CLOCK: variants seen among roughly 807,000 people sequenced by gnomAD.
CLOCK encodes circadian locomoter output cycles protein kaput.
In CLOCK, 43 loss-of-function variants were observed where a neutral mutation model predicts 118.4. The ratio of observed to expected loss-of-function variants is 0.36; its 90% CI spans 0.28 to 0.47. The LOEUF (loss-of-function observed/expected upper bound fraction) is 0.47, where lower values mean the gene tolerates loss of function less well. CLOCK is among the 20% of genes least tolerant of loss of function. The pLI is 1.00. For missense variants in CLOCK, 846 were observed against 999.9 expected (o/e 0.85, Z 2.08); for synonymous variants, 326 against 339.2 (o/e 0.96, Z 0.43).
rs1374507343 is a variant in CLOCK at position 55,543,809 on chromosome 4, T to C, written c.-290+2973A>G. ...AAAAAAAATTGAAATGTAATTCCAT[T>C]TTTAAAAAAGATTGAACGGACCCAC... On this transcript the variant is annotated intron_variant, in intron 1 of 22. Transcript: ENST00000513440. Among the ~76,000 whole-genome samples, 3 of 152,104 alleles carry C rather than the reference T, an allele frequency of 2.0e-5. No individual in the cohort carries two copies. The East Asian group carries it at 5.8e-4, about 29-fold the overall frequency.
At chr4:55,451,599 G>A (rs1475004020) in intron 15 of CLOCK, among the ~76,000 whole-genome samples, 1 of 152,190 alleles carries the variant, frequency 6.6e-6, no homozygotes, top group Non-Finnish European at 1.5e-5. Context: ...TGGGAAAGTA[G>A]ACATAGCTGG....
chr4:55,478,610 C>T (rs542772393), intron 6 of CLOCK, among the ~76,000 whole-genome samples: 1 of 152,252 alleles, frequency 6.6e-6, no homozygotes, highest in South Asian at 2.1e-4. Context: ...AGGACTGTTA[C>T]CCTGCATCAT....
chr4:55,443,543 A>T, intron 20 of CLOCK, 144 bp downstream of exon 20: 1 of 688,288 alleles, frequency 1.5e-6, no homozygotes, highest in Non-Finnish European at 2.5e-6. Context: ...AAAATATTTT[A>T]ATAATCACTC....
chr4:55,448,997 A>T, intron 17 of CLOCK, 129 bp from the exon 18 acceptor site: 5 of 751,108 alleles, frequency 6.7e-6, no homozygotes, highest in Non-Finnish European at 9.0e-6. Context: ...TTAGCTGAAT[A>T]CAGCTATGTC....
chr4:55,466,612 T>C (rs1418252863), intron 8 of CLOCK, among the ~76,000 whole-genome samples: 1 of 152,242 alleles, frequency 6.6e-6, no homozygotes, highest in African/African-American at 2.4e-5. Flanking sequence ...TATAACTTCA[T>C]AGGATGTTTC....
intron 1 of CLOCK, among the ~76,000 whole-genome samples, chr4:55,533,366 G>GA (rs928158756): frequency 1.3e-5 from 2 of 152,012 alleles, no homozygotes; most frequent in Non-Finnish European, 2.9e-5. Flanking sequence ...ACCCAATGGA[G>GA]AAAAAACAGT....
intron 2 of CLOCK, among the ~76,000 whole-genome samples, chr4:55,497,553 A>C (rs1479051961): frequency 3.9e-5 from 6 of 152,178 alleles, no homozygotes; most frequent in African/African-American, 1.4e-4. Context: ...GTGAAACATC[A>C]AAGGATAATT....
intron 1 of CLOCK, among the ~76,000 whole-genome samples, chr4:55,531,009 T>C (rs1730507663): frequency 6.6e-6 from 1 of 151,844 alleles, no homozygotes; most frequent in African/African-American, 2.4e-5. Flanking sequence ...TAATAGATAT[T>C]ATGATCCAAG....
At chr4:55,500,925 C>T (rs373751503) in intron 2 of CLOCK, among the ~76,000 whole-genome samples, 17 of 152,250 alleles carry the variant, frequency 1.1e-4, no homozygotes, top group African/African-American at 4.1e-4. Flanking sequence ...AATCTCAGCT[C>T]ACTGCAGCCT....
intron 18 of CLOCK, among the ~76,000 whole-genome samples, chr4:55,446,327 A>ACC (rs1455024345): frequency 1.3e-5 from 2 of 151,984 alleles, no homozygotes; most frequent in African/African-American, 4.8e-5. Context: ...GAGCTCAGGC[A>ACC]ATCCTCCCAC....
intron 2 of CLOCK, among the ~76,000 whole-genome samples, chr4:55,496,535 A>C (rs1014570016): frequency 1.3e-5 from 2 of 152,214 alleles, no homozygotes; most frequent in African/African-American, 2.4e-5. Flanking sequence ...GGCAAAATGT[A>C]ATGATTGCTT....
rs756307615 is a variant in CLOCK, at chr4:55,449,390, G to T, written c.1449+6C>A. 17 of 1,608,726 alleles carry T rather than the reference G, an allele frequency of 1.1e-5. No homozygotes were observed. The highest frequency in any genetic ancestry group is 1.4e-5 in the Non-Finnish European group (16 of 1,175,340). On this transcript the variant is annotated splice_donor_region_variant and intron_variant, in intron 17 of 22. Transcript: ENST00000513440. ...TATTCAGAAGAATATCCACTAAAGA[G>T]CTTACCTGACTACTAAATGATGACC...
chr4:55,503,978 T>TAAAAGAAAAAAAAAAAAAAAAAAAAA (rs1553900254), intron 2 of CLOCK, among the ~76,000 whole-genome samples: 2 of 71,130 alleles, frequency 2.8e-5, no homozygotes, highest in South Asian at 7.0e-4. Context: ...CAAAAAGAGG[T>TAAAAGAAAAAAAAAAAAAAAAAAAAA]AAAAAAAAAA....
chr4:55,515,478 G>A (rs1464404809), intron 1 of CLOCK, among the ~76,000 whole-genome samples: 1 of 152,098 alleles, frequency 6.6e-6, no homozygotes, highest in Non-Finnish European at 1.5e-5. Flanking sequence ...GGGTTCAAGC[G>A]ATTCTCCTGC....
chr4:55,481,332 T>C (rs1038112382), intron 4 of CLOCK, among the ~76,000 whole-genome samples: 1 of 152,142 alleles, frequency 6.6e-6, no homozygotes, highest in Non-Finnish European at 1.5e-5. Context: ...ATAACTTCCA[T>C]GACATTCAGA....
Position 55,443,869 on chromosome 4 carries a change from A to G in CLOCK, c.1720T>C (p.Leu574=). 6.2e-7 allele frequency: 1 copy of G among 1,613,158 alleles called. No individual in the cohort carries two copies. The highest frequency in any genetic ancestry group is 1.1e-5 in the South Asian group (1 of 91,032). Residue 574 remains leucine, a synonymous_variant, in exon 20 of 23, where the codon TTG becomes CTG. Transcript: ENST00000513440. ...QMFLQQSNPG[L]NFGSVQLSSG... ...GAAAGTTGAACGGAACCAAAATTCA[A>G]CCCAGGATTTGATTGTTGCAAAAAC...
At chr4:55,444,315 T>C (rs1403816791) in intron 19 of CLOCK, among the ~76,000 whole-genome samples, 1 of 152,214 alleles carries the variant, frequency 6.6e-6, no homozygotes, top group East Asian at 1.9e-4. Flanking sequence ...GATTGATTTA[T>C]AAATTCTGTA....
At chr4:55,545,248 C>A (rs1280070148) in intron 1 of CLOCK, among the ~76,000 whole-genome samples, 1 of 152,076 alleles carries the variant, frequency 6.6e-6, no homozygotes. Flanking sequence ...CCACTTATCA[C>A]AGGAATTAAT....
chr4:55,437,337 CACATACAGACTAGCCT>C (rs1486514217), intron 22 of CLOCK, among the ~76,000 whole-genome samples: 1 of 152,158 alleles, frequency 6.6e-6, no homozygotes, highest in African/African-American at 2.4e-5. Context: ...GTCTCTAGTA[CACATACAGACTAGCCT>C]ACATTCAAAA....
Sources: allele counts gnomAD v4.1 joint callset (sites outside exome capture counted in the v4.1 genomes callset), GRCh38; gene constraint gnomAD v4.1.1; transcripts MANE v1.5; gene names NCBI Gene and HGNC (gene_info 2026-07-23, HGNC 2026-07-21).